NOL10: variants seen among roughly 807,000 people sequenced by gnomAD.
The protein encoded by NOL10 is nucleolar protein 10.
NOL10 carries 58 observed loss-of-function variants against 103.5 expected under a neutral mutation model. The observed-to-expected ratio is 0.56, with a 90% CI of 0.45 to 0.70. NOL10 has a LOEUF of 0.70. NOL10 is among the 30% of genes least tolerant of loss of function. The pLI is 0.00. For synonymous variants in NOL10, 287 were observed against 282.5 expected (o/e 1.02, Z -0.16); for missense variants, 763 against 807.3 (o/e 0.95, Z 0.67).
chr2:10,582,208 C>G (rs575827856), intron 19 of NOL10, among the ~76,000 whole-genome samples: 1 of 152,260 alleles, frequency 6.6e-6, no homozygotes, highest in South Asian at 2.1e-4. Context: ...TAAAAACATG[C>G]CATATTAATT....
intron 17 of NOL10, among the ~76,000 whole-genome samples, chr2:10,592,074 C>T (rs756697648): frequency 1.3e-5 from 2 of 152,206 alleles, no homozygotes; most frequent in East Asian, 1.9e-4. Flanking sequence ...TGATGTCTGA[C>T]GGACTGCTGA....
rs1408767581 is a variant in NOL10 at position 10,623,268 on chromosome 2, T to TAAGA, written c.1027-15958_1027-15957insTCTT. On this transcript the variant is annotated intron_variant, in intron 13 of 20. Transcript: ENST00000381685. ...GCTTTAAGTCCTGATACTTCTCCAG[T>TAAGA]CTTACCGGAGAAGTATCAGTATCTC... Among the ~76,000 whole-genome samples, 51 of 152,144 alleles carry TAAGA rather than the reference T, an allele frequency of 3.4e-4. No homozygotes were observed. In the East Asian group the frequency reaches 8.3e-3, roughly 25 times the overall value.
chr2:10,627,669 C>T (rs773543928), intron 13 of NOL10, among the ~76,000 whole-genome samples: 15 of 149,832 alleles, frequency 1.0e-4, no homozygotes, highest in East Asian at 4.0e-4. Flanking sequence ...CGTAAGACTC[C>T]GTCTCAAAAA....
At chr2:10,682,187 T>C (rs1681816097) in intron 2 of NOL10, 118 bp from the exon 3 acceptor site, 1 of 406,562 alleles carries the variant, frequency 2.5e-6, no homozygotes, top group Non-Finnish European at 4.3e-6. Flanking sequence ...TCATCCCAAA[T>C]GCTTCCTGGC....
intron 13 of NOL10, among the ~76,000 whole-genome samples, chr2:10,620,289 C>G (rs1447503293): frequency 6.6e-6 from 1 of 151,812 alleles, no homozygotes; most frequent in African/African-American, 2.4e-5. Context: ...ACTAAGGGTA[C>G]CGATATATGT....
intron 13 of NOL10, among the ~76,000 whole-genome samples, chr2:10,613,987 TC>T (rs1676706666): frequency 6.7e-6 from 1 of 148,748 alleles, no homozygotes; most frequent in South Asian, 2.1e-4. Context: ...TTAGAAGGAG[TC>T]TCACTCTGTC....
chr2:10,652,960 T>G (rs1679576562), intron 12 of NOL10, among the ~76,000 whole-genome samples: 1 of 151,948 alleles, frequency 6.6e-6, no homozygotes, highest in Non-Finnish European at 1.5e-5. Context: ...TTTTGGGAAG[T>G]GGAGGCAGGC....
intron 8 of NOL10, among the ~76,000 whole-genome samples, chr2:10,663,362 G>T (rs1386440808): frequency 2.0e-5 from 2 of 99,022 alleles, no homozygotes; most frequent in African/African-American, 8.3e-5. Context: ...GCAAGACTTC[G>T]TCTCAAAAAA....
rs182783214 is a variant in NOL10 at position 10,620,351 on chromosome 2, T to C, written c.1027-13040A>G. Among the ~76,000 whole-genome samples the C allele has an allele frequency of 2.6e-5, 4 of 152,284 alleles. No individual in the cohort carries two copies. The South Asian group carries it at 8.3e-4, about 32-fold the overall frequency. On this transcript the variant is annotated intron_variant, in intron 13 of 20. Transcript: ENST00000381685. ...CAGAAAAAAAGGAAGAGCAAAACTT[T>C]AAAAAAATTATATGTACACTTTTAT...
At chr2:10,661,060 C>T (rs931274876) in intron 9 of NOL10, among the ~76,000 whole-genome samples, 34 of 151,878 alleles carry the variant, frequency 2.2e-4, no homozygotes, top group African/African-American at 8.0e-4. Flanking sequence ...TTTCTGATAA[C>T]GATGTGGTAA....
chr2:10,630,250 T>C (rs1259950239), intron 13 of NOL10, among the ~76,000 whole-genome samples: 1 of 152,202 alleles, frequency 6.6e-6, no homozygotes. Context: ...AAGAAACTAG[T>C]GTTCGGAGAG....
intron 6 of NOL10, among the ~76,000 whole-genome samples, chr2:10,669,894 T>C (rs1210208649): frequency 6.9e-6 from 1 of 144,958 alleles, no homozygotes; most frequent in Non-Finnish European, 1.5e-5. Flanking sequence ...CCATCTCAAA[T>C]AATAATAATA....
At chr2:10,597,214 G>C (rs1258463633) in intron 17 of NOL10, among the ~76,000 whole-genome samples, 2 of 152,132 alleles carry the variant, frequency 1.3e-5, no homozygotes, top group Non-Finnish European at 2.9e-5. Context: ...ACATTATGTG[G>C]TGGGCCACTT....
chr2:10,586,917 T>C (rs10202370), intron 19 of NOL10, among the ~76,000 whole-genome samples: 51,004 of 149,320 alleles, frequency 0.34, 9,125 homozygotes, highest in Non-Finnish European at 0.4. Flanking sequence ...GTAAAGTTTT[T>C]GGGGATATTC....
At chr2:10,686,411 C>T (rs905963062) in intron 1 of NOL10, among the ~76,000 whole-genome samples, 3 of 152,176 alleles carry the variant, frequency 2.0e-5, no homozygotes, top group Admixed American at 1.3e-4. Flanking sequence ...GAACAGTGAC[C>T]GCTGAGCTCA....
At chr2:10,662,920 G>T (rs1202374564) in intron 9 of NOL10, 39 bp downstream of exon 9, 2 of 1,448,272 alleles carry the variant, frequency 1.4e-6, no homozygotes, top group African/African-American at 2.8e-5. Context: ...TAAATTAAAA[G>T]TTGATGAACA....
chr2:10,654,684 T>C (rs751404442), intron 11 of NOL10, 137 bp from the exon 12 acceptor site: 8 of 504,874 alleles, frequency 1.6e-5, no homozygotes, highest in African/African-American at 2.0e-5. Flanking sequence ...AAAATTTAAA[T>C]TCTTAAAAAT....
chr2:10,643,971 C>T (rs1043980798), intron 13 of NOL10, among the ~76,000 whole-genome samples: 8 of 152,076 alleles, frequency 5.3e-5, no homozygotes, highest in African/African-American at 1.2e-4. Context: ...TATCTTTGGC[C>T]GGGAGTGGTG....
chr2:10,603,284 T>A, intron 14 of NOL10, 127 bp from the exon 15 acceptor site: 3 of 663,100 alleles, frequency 4.5e-6, no homozygotes, highest in African/African-American at 1.8e-5. Context: ...AGGATTAGAA[T>A]TACTAATCTT....
Sources: gnomAD v4.1 joint callset for allele counts (sites outside exome capture counted in the v4.1 genomes callset) on GRCh38, gnomAD v4.1.1 for gene constraint, MANE v1.5 for transcripts, NCBI Gene and HGNC (gene_info 2026-07-23, HGNC 2026-07-21) for gene names.